TSC1: variants seen among roughly 807,000 people sequenced by gnomAD.
TSC1 encodes the protein hamartin.
A neutral mutation model predicts 124.3 loss-of-function variants in TSC1; 20 were observed. The ratio of observed to expected loss-of-function variants is 0.16; its 90% confidence interval spans 0.11 to 0.23. TSC1 has a LOEUF of 0.23. TSC1 is among the 10% of genes least tolerant of loss of function. The pLI is 1.00. For missense variants in TSC1, 1,124 were observed against 1,448.5 expected (o/e 0.78, Z 3.64); for synonymous variants, 493 against 539.1 (o/e 0.91, Z 1.19).
In TSC1 at chr9:132,921,088, C is replaced by T. The variant is rs924454529; in HGVS notation, c.737+275G>A. Reference sequence around the variant, plus strand: ...TAGCCATATGCTTCACCTCCTGCATCGCCCCATCACTGGCACTACTGAGGT... The same window carrying T: ...TAGCCATATGCTTCACCTCCTGCATTGCCCCATCACTGGCACTACTGAGGT... On this transcript the variant is annotated intron_variant, in intron 8 of 22. Transcript: ENST00000298552. This position sits in a 1 kb window ranked among gnomAD's most constrained non-coding sequence, Gnocchi z 4.3. Among the ~76,000 whole-genome samples, 3 of 152,064 alleles carry T rather than the reference C, an allele frequency of 2.0e-5. No individual in the cohort carries two copies. Among genetic ancestry groups the T allele is most frequent in the South Asian group, 2.1e-4 (1 of 4,824 alleles).
At chr9:132,905,028 A>G (rs776956189) in intron 15 of TSC1, among the ~76,000 whole-genome samples, 3 of 152,222 alleles carry the variant, frequency 2.0e-5, no homozygotes, top group African/African-American at 4.8e-5. Context: ...TAAAGTAGCT[A>G]ATAAAAGACG....
rs530042727 is a variant in TSC1, at chr9:132,895,185, A to G, written c.*1050T>C. On this transcript the variant is annotated 3_prime_UTR_variant, in exon 23 of 23. Coordinates refer to ENST00000298552, the MANE Select transcript of TSC1 (RefSeq NM_000368.5). ...GCCTAGAACCTGCTACAGTGAGGCA[A>G]CCCTAATGGCCTGGGAAATGATGGT... is the stretch of plus-strand genomic sequence containing the variant. 4.3e-6 allele frequency: 1 copy of G among 233,206 alleles called. No individual in the cohort carries two copies. The highest frequency in any genetic ancestry group is 1.8e-4 in the South Asian group (1 of 5,506). The allele number at this position is 233,206 out of a possible 1,614,324, so 14.4% of individuals were successfully genotyped here.
In TSC1 at chr9:132,906,180, T is replaced by A. The variant is rs1247545409; in HGVS notation, c.1439-41A>T. The A allele has an allele frequency of 6.9e-6, 11 of 1,588,624 alleles. No homozygotes were observed. The highest frequency in any genetic ancestry group is 8.6e-6 in the Non-Finnish European group (10 of 1,165,468). ...GAAACAAAAGAAATGGCAGTCGGTA[T>A]TCCACCTGGGAAAGACTAGGCAGTT... On this transcript the variant is annotated intron_variant, in intron 14 of 22. Coordinates refer to ENST00000298552, the MANE Select transcript of TSC1 (RefSeq NM_000368.5). The surrounding 1 kb of genome is among the most constrained non-coding windows in gnomAD (Gnocchi z 4.1).
chr9:132,905,936 G>A lies in TSC1; in HGVS notation c.1642C>T (p.Pro548Ser), dbSNP rs2131835927. ...SSLDKLGPDT[P>S]KQAFTPIDLP... is the part of the protein sequence containing the mutation. ...TCTATGGGAGTAAAGGCTTGCTTTG[G>A]TGTGTCAGGCCCAAGCTTGTCCAGG... is the stretch of plus-strand genomic sequence containing the variant. Residue 548 changes from proline (P) to serine (S), a missense_variant, in exon 15 of 23, where the codon CCA (proline) becomes TCA (serine). By Grantham distance (74) the Pro-to-Ser change is moderately conservative (BLOSUM62 -1). This residue lies in a region of TSC1 where 321 missense variants were observed against 397.4 expected (regional missense o/e 0.81). Coordinates refer to ENST00000298552, the MANE Select transcript of TSC1 (RefSeq NM_000368.5). The A allele has an allele frequency of 6.2e-7, 1 of 1,613,832 alleles. No individual in the cohort carries two copies. Among genetic ancestry groups the A allele is most frequent in the South Asian group, 1.1e-5 (1 of 91,084 alleles).
At chr9:132,901,513 T>A in intron 19 of TSC1, 76 bp downstream of exon 19, 5 of 1,342,926 alleles carry the variant, frequency 3.7e-6, no homozygotes, top group Non-Finnish European at 5.3e-6. Context: ...AGTAATCTAT[T>A]TCTTTAACCT....
Position 132,891,744 on chromosome 9 carries a change from A to C in TSC1, c.*4491T>G, listed in dbSNP as rs1844780469. The C allele has an allele frequency of 4.3e-6, 1 of 233,640 alleles. No homozygotes were observed. The highest frequency in any genetic ancestry group is 6.0e-5 in the East Asian group (1 of 16,602). The allele number at this position is 233,640 out of a possible 1,614,324, so 14.5% of individuals were successfully genotyped here. A position where few individuals can be genotyped will look rare whatever the true frequency, so the allele number is the denominator to read the frequency against. On this transcript the variant is annotated 3_prime_UTR_variant, in exon 23 of 23. Transcript: ENST00000298552. ...CCGTAATATATTTGTGGTCCATAGAAGTCTTCTGAAAAGTGATTACTGATT... is the reference window on the plus strand; with the variant it reads ...CCGTAATATATTTGTGGTCCATAGACGTCTTCTGAAAAGTGATTACTGATT...
At position 132,894,377 on chromosome 9, in the gene TSC1, C is replaced by G. The variant is rs1268115038; in HGVS notation, c.*1858G>C. On this transcript the variant is annotated 3_prime_UTR_variant, in exon 23 of 23. Coordinates refer to ENST00000298552, the MANE Select transcript of TSC1 (RefSeq NM_000368.5). ...CAGGATTCACTGATGGGATTTCCTTCCCTTTCTAAGTTTGTTCACGTTTTC... is the reference window on the plus strand; with the variant it reads ...CAGGATTCACTGATGGGATTTCCTTGCCTTTCTAAGTTTGTTCACGTTTTC... 4.3e-6 allele frequency: 1 copy of G among 230,564 alleles called. No individual in the cohort carries two copies. The highest frequency in any genetic ancestry group is 8.6e-6 in the Non-Finnish European group (1 of 116,138). The allele number at this position is 230,564 out of a possible 1,614,324, so 14.3% of individuals were successfully genotyped here. A position where few individuals can be genotyped will look rare whatever the true frequency, so the allele number is the denominator to read the frequency against.
chr9:132,930,519 C>T (rs577911808), intron 2 of TSC1, among the ~76,000 whole-genome samples: 3 of 133,746 alleles, frequency 2.2e-5, no homozygotes, highest in Admixed American at 9.0e-5. Flanking sequence ...GCCTGGGAGA[C>T]GGAGGTTGCA....
chr9:132,932,938 T>C (rs772629111), intron 2 of TSC1, among the ~76,000 whole-genome samples: 2 of 152,196 alleles, frequency 1.3e-5, no homozygotes, highest in African/African-American at 2.4e-5. Context: ...ACTATACAAC[T>C]AGTAGCCAGA....
At position 132,896,311 on chromosome 9, in the gene TSC1, G is replaced by A. The variant is rs751126355; in HGVS notation, c.3419C>T (p.Pro1140Leu). The change falls in exon 23 of 23, where the codon CCG (proline) becomes CTG (leucine). Residue 1140 changes from proline to leucine, a missense_variant. By Grantham distance (98) the Pro-to-Leu change is moderately conservative (BLOSUM62 -3). Transcript: ENST00000298552. The surrounding 1 kb of genome is among the most constrained non-coding windows in gnomAD (Gnocchi z 4.5). ...KIPLNLDGPH[P>L]SPPTPDSVGQ... ...AACACTGTCCGGGGTCGGGGGAGAC[G>A]GGTGAGGGCCATCTAGGTTCAGGGG... 1.3e-5 allele frequency: 21 copies of A among 1,614,190 alleles called. No homozygotes were observed. The Admixed American group carries it at 1.5e-4, about 12-fold the overall frequency.
intron 3 of TSC1, among the ~76,000 whole-genome samples, chr9:132,927,777 G>A (rs549642628): frequency 8.5e-5 from 13 of 152,136 alleles, no homozygotes; most frequent in Admixed American, 4.6e-4. Flanking sequence ...CGCCCGCCTC[G>A]GCCTCCCCAA....
At chr9:132,931,498 C>T (rs1347473943) in intron 2 of TSC1, 2 of 152,128 alleles carry the variant, frequency 1.3e-5, no homozygotes, top group Non-Finnish European at 2.9e-5. Context: ...CTGTCGGCCG[C>T]GTTGGTGGTA....
At chr9:132,908,613 CTT>C (rs754733739) in intron 12 of TSC1, among the ~76,000 whole-genome samples, 106 of 139,946 alleles carry the variant, frequency 7.6e-4, no homozygotes, top group African/African-American at 2.2e-3. Flanking sequence ...CCACACCTGG[CTT>C]TTTTTTTTTT....
At chr9:132,920,484 A>G (rs117218757) in intron 8 of TSC1, among the ~76,000 whole-genome samples, 1,739 of 152,206 alleles carry the variant, frequency 0.011, 13 homozygotes, top group Non-Finnish European at 0.018. Context: ...TTGTGTTATT[A>G]TTAAACTTTA....
intron 13 of TSC1, among the ~76,000 whole-genome samples, 162 bp downstream of exon 13, chr9:132,907,139 A>C (rs956588145): frequency 1.3e-5 from 2 of 152,228 alleles, no homozygotes; most frequent in African/African-American, 4.8e-5. Context: ...TTTTGATATT[A>C]TTAGGTTGGT....
In TSC1 at chr9:132,900,840, A is replaced by G. The variant is rs1355806067; in HGVS notation, c.2503-3T>C. ...TGGACCGACTCACTGTTTGAGAGCTAACCAAAAAACATGAGCAAAGTGAAA... is the reference window on the plus strand; with the variant it reads ...TGGACCGACTCACTGTTTGAGAGCTGACCAAAAAACATGAGCAAAGTGAAA... On this transcript the variant is annotated splice_region_variant and splice_polypyrimidine_tract_variant and intron_variant, in intron 19 of 22. Transcript: ENST00000298552. The G allele has an allele frequency of 6.2e-7, 1 of 1,614,042 alleles. No homozygotes were observed. Among genetic ancestry groups the G allele is most frequent in the Admixed American group, 1.7e-5 (1 of 60,014 alleles).
chr9:132,910,733 A>T (rs201674473), intron 11 of TSC1, 41 bp from the exon 12 acceptor site: 1 of 1,612,058 alleles, frequency 6.2e-7, no homozygotes, highest in East Asian at 2.2e-5. Context: ...ACTGAGCCCA[A>T]CTATTAGAAA....
chr9:132,916,815 G>T (rs1340408324), intron 8 of TSC1, among the ~76,000 whole-genome samples: 1 of 152,206 alleles, frequency 6.6e-6, no homozygotes, highest in Non-Finnish European at 1.5e-5. Flanking sequence ...TGGACTGGCT[G>T]CTCTCAGCAC....
At chr9:132,909,988 C>G (rs1845861750) in intron 12 of TSC1, 1 of 155,646 alleles carries the variant, frequency 6.4e-6, no homozygotes, top group South Asian at 2.0e-4. Flanking sequence ...GGGCAAATGA[C>G]AGCTTAGTGT....
Sources: allele counts gnomAD v4.1 joint callset (sites outside exome capture counted in the v4.1 genomes callset), GRCh38; gene constraint gnomAD v4.1.1; regional missense constraint gnomAD v4.1.1; non-coding constraint Gnocchi (gnomAD v3.1); transcripts MANE v1.5; gene names NCBI Gene and HGNC (gene_info 2026-07-23, HGNC 2026-07-21).